Variants in NRDE2 observed in about 807,000 individuals in gnomAD.
NRDE2 encodes NRDE-2, necessary for RNA interference, domain containing.
A neutral mutation model predicts 124.2 loss-of-function variants in NRDE2; 76 were observed. The ratio of observed to expected loss-of-function variants is 0.61; its 90% CI spans 0.51 to 0.74. The LOEUF is 0.74. Ranked by LOEUF, NRDE2 falls within the 30% of genes least tolerant of loss-of-function variation. The pLI is 0.00. For synonymous variants in NRDE2, 489 were observed against 528.1 expected, an observed-to-expected ratio of 0.93 and a Z score of 1.01; for missense variants, 1,314 against 1,417.3, an observed-to-expected ratio of 0.93 and a Z score of 1.17.
intron 1 of NRDE2, among the ~76,000 whole-genome samples, chr14:90,323,322 T>C (rs1242318267): frequency 6.6e-6 from 1 of 152,200 alleles, no homozygotes; most frequent in South Asian, 2.1e-4. Context: ...CTATTACACA[T>C]AGAGGGAGGA....
intron 1 of NRDE2, among the ~76,000 whole-genome samples, chr14:90,330,071 G>A (rs1393993658): frequency 2.6e-5 from 4 of 151,392 alleles, no homozygotes; most frequent in Non-Finnish European, 5.9e-5. Context: ...GCCGGGCATG[G>A]TGGTGAGTGC....
At chr14:90,291,472 G>A (rs1347618604) in intron 9 of NRDE2, among the ~76,000 whole-genome samples, 1 of 152,230 alleles carries the variant, frequency 6.6e-6, no homozygotes, top group Non-Finnish European at 1.5e-5. Flanking sequence ...GTCTGCTCCA[G>A]AAATCTGCTT....
At chr14:90,331,390 T>A (rs571856238) in intron 1 of NRDE2, among the ~76,000 whole-genome samples, 2 of 152,274 alleles carry the variant, frequency 1.3e-5, no homozygotes, top group African/African-American at 4.8e-5. Context: ...TGGATACTAA[T>A]CCCCTAGCTC....
chr14:90,289,084 T>C lies in NRDE2; in HGVS notation c.2291A>G (p.Lys764Arg), dbSNP rs751834024. Residue 764 changes from lysine (K) to arginine (R), a missense_variant, in exon 11 of 14, where the codon AAA becomes AGA. Transcript: ENST00000354366. ...CTTAAGGAGATTCTTGGCTAGTTTT[T>C]TGCAGTTCTTCCCTTGAGACTTTAA... ...KRLKSQGKNCKKLAKNLLKEP... is the reference protein window; with the variant it reads ...KRLKSQGKNCRKLAKNLLKEP... 6.2e-7 allele frequency: 1 copy of C among 1,614,016 alleles called. No individual in the cohort carries two copies. Among genetic ancestry groups the C allele is most frequent in the South Asian group, 1.1e-5 (1 of 91,086 alleles).
chr14:90,314,163 A>G (rs1401811016), intron 3 of NRDE2, among the ~76,000 whole-genome samples: 2 of 152,190 alleles, frequency 1.3e-5, no homozygotes, highest in African/African-American at 4.8e-5. Flanking sequence ...GGTGAGGGAA[A>G]GCTCATCCCA....
At chr14:90,321,765 A>G (rs1349743968) in intron 1 of NRDE2, among the ~76,000 whole-genome samples, 1 of 152,158 alleles carries the variant, frequency 6.6e-6, no homozygotes, top group East Asian at 1.9e-4. Context: ...TAATCACTGT[A>G]TGGTAGGCTT....
chr14:90,278,506 T>C (rs1349251493), intron 13 of NRDE2, 45 bp from the exon 14 acceptor site: 3 of 1,609,204 alleles, frequency 1.9e-6, no homozygotes, highest in Non-Finnish European at 1.7e-6. Flanking sequence ...CGCCACTTCC[T>C]GTCAGCCTGG....
intron 4 of NRDE2, among the ~76,000 whole-genome samples, chr14:90,305,441 G>A (rs1392991546): frequency 1.3e-5 from 2 of 152,180 alleles, no homozygotes; most frequent in Non-Finnish European, 2.9e-5. Context: ...CAAGAAAAAG[G>A]AAAGCACATG....
chr14:90,278,172 A>G lies in NRDE2; in HGVS notation c.*164T>C. 1.4e-6 allele frequency: 1 copy of G among 725,184 alleles called. No homozygotes were observed. 44.9% of individuals were successfully genotyped at this position (725,184 alleles called of 1,614,324 possible). A position where few individuals can be genotyped will look rare whatever the true frequency, so the allele number is the denominator to read the frequency against. ...ACTTTTGTGTCATTTACACACCCAA[A>G]AAGTGTGCAAGATGTGAGAGGCTGG... On this transcript the variant is annotated 3_prime_UTR_variant, in exon 14 of 14. Coordinates refer to ENST00000354366, the MANE Select transcript of NRDE2 (RefSeq NM_017970.4).
chr14:90,330,115 G>A (rs1194229595), intron 1 of NRDE2, among the ~76,000 whole-genome samples: 8 of 149,386 alleles, frequency 5.4e-5, no homozygotes, highest in African/African-American at 2.0e-4. Flanking sequence ...GCTGAGGCAG[G>A]AGAATCACTT....
In NRDE2 at chr14:90,304,251, C is replaced by T. The variant is rs946033412; in HGVS notation, c.689G>A (p.Gly230Glu). ...VERYFTKKSV[G>E]LMNIDGVAIS... ...GGCAACTCCATCGATGTTCATTAAT[C>T]CCACACTCTTCTTAGTAAAATAGCG... is the stretch of plus-strand genomic sequence containing the variant. Residue 230 changes from glycine to glutamate, a missense_variant, in exon 5 of 14, where the codon GGA (glycine) becomes GAA (glutamate). Coordinates refer to ENST00000354366, the MANE Select transcript of NRDE2 (RefSeq NM_017970.4). 1 of 1,614,124 alleles carries T rather than the reference C, an allele frequency of 6.2e-7. No individual in the cohort carries two copies. The highest frequency in any genetic ancestry group is 8.5e-7 in the Non-Finnish European group (1 of 1,180,026).
In NRDE2 at chr14:90,316,779, C is replaced by G. The variant is rs1308261084; in HGVS notation, c.206G>C (p.Ser69Thr). Residue 69 changes from serine (S) to threonine (T), a missense_variant, in exon 3 of 14, where the codon AGT (serine) becomes ACT (threonine). Transcript: ENST00000354366. ...SHLKSESSDE[S>T]DTNKKLKQTS... Reference sequence around the variant, plus strand: ...TTGTTTGAGCTTTTTGTTAGTGTCACTTTCATCTGAAGACTCTGATTTCAG... The same window carrying G: ...TTGTTTGAGCTTTTTGTTAGTGTCAGTTTCATCTGAAGACTCTGATTTCAG... 6.2e-7 allele frequency: 1 copy of G among 1,611,732 alleles called. No individual in the cohort carries two copies. The highest frequency in any genetic ancestry group is 1.3e-5 in the African/African-American group (1 of 74,596).
intron 4 of NRDE2, among the ~76,000 whole-genome samples, chr14:90,305,653 A>AAGAAGCC: frequency 6.6e-6 from 1 of 152,378 alleles, no homozygotes; most frequent in Non-Finnish European, 1.5e-5. Flanking sequence ...CACTGAGTGA[A>AAGAAGCC]AGAAGCCAGA....
chr14:90,292,912 A>C (rs768362510), intron 8 of NRDE2, 40 bp from the exon 9 acceptor site: 2 of 1,582,170 alleles, frequency 1.3e-6, no homozygotes, highest in Non-Finnish European at 1.7e-6. Flanking sequence ...TCAGCAAATA[A>C]AACCACCATC....
At position 90,268,611 on chromosome 14, in the gene NRDE2, G is replaced by T; in HGVS notation, c.*9725C>A. On this transcript the variant is annotated 3_prime_UTR_variant, in exon 14 of 14. Coordinates refer to ENST00000354366, the MANE Select transcript of NRDE2 (RefSeq NM_017970.4). ...GTAACTGTGAACGTCTGGAGAGATTGGTCAGTTATGAATAACCATGTCTTG... is the reference window on the plus strand; with the variant it reads ...GTAACTGTGAACGTCTGGAGAGATTTGTCAGTTATGAATAACCATGTCTTG... 1.8e-6 allele frequency: 1 copy of T among 558,686 alleles called. No individual in the cohort carries two copies. The highest frequency in any genetic ancestry group is 2.3e-5 in the South Asian group (1 of 43,302). 34.6% of individuals were successfully genotyped at this position (558,686 alleles called of 1,614,324 possible).
At position 90,304,366 on chromosome 14, in the gene NRDE2, C is replaced by T. The variant is rs774692869; in HGVS notation, c.574G>A (p.Asp192Asn). 1 of 1,603,332 alleles carries T rather than the reference C, an allele frequency of 6.2e-7. No individual in the cohort carries two copies. The highest frequency in any genetic ancestry group is 1.1e-5 in the South Asian group (1 of 90,230). Residue 192 changes from aspartate (D) to asparagine (N), a missense_variant, in exon 5 of 14, where the codon GAC becomes AAC. Asp to Asn is a conservative substitution (Grantham distance 23). Transcript: ENST00000354366. ...GDIARYKRKG[D>N]SCLGINPKKQ... ...TTAGGGTTAATGCCAAGGCAGGAGT[C>T]TCCTTTCCTCTTGTATCTGATATTA...
Position 90,292,808 on chromosome 14 carries a change from C to A in NRDE2, c.1731G>T (p.Trp577Cys). The change falls in exon 9 of 14, where the codon TGG becomes TGT. Residue 577 changes from tryptophan to cysteine, a missense_variant. By Grantham distance (215) the Trp-to-Cys change is radical (BLOSUM62 -2). Transcript: ENST00000354366. ...QEIKDKTLPR[W>C]QIWLAAERSR... ...AACGCTCAGCAGCAAGCCAGATCTG[C>A]CACCTGGGCAGAGTCTTATCTTTTA... 2 of 1,614,178 alleles carry A rather than the reference C, an allele frequency of 1.2e-6. No homozygotes were observed. The highest frequency in any genetic ancestry group is 1.7e-6 in the Non-Finnish European group (2 of 1,179,996).
intron 4 of NRDE2, among the ~76,000 whole-genome samples, chr14:90,305,314 G>A (rs866424580): frequency 6.6e-6 from 1 of 152,202 alleles, no homozygotes; most frequent in Non-Finnish European, 1.5e-5. Flanking sequence ...ACTCTCATCC[G>A]CTGTCAGCGG....
chr14:90,279,199 G>A lies in NRDE2; in HGVS notation c.3298-66C>T, dbSNP rs536082982. On this transcript the variant is annotated intron_variant, in intron 12 of 13. Transcript: ENST00000354366. ...ACAGAGAGGCTAAGGCTACACAAACGCCCCTGGATGACGGGCACAAGCCCT... is the reference window on the plus strand; with the variant it reads ...ACAGAGAGGCTAAGGCTACACAAACACCCCTGGATGACGGGCACAAGCCCT... 1.1e-5 allele frequency: 14 copies of A among 1,240,302 alleles called. 1 individual carries two copies. The highest frequency in any genetic ancestry group is 1.9e-4 in the Middle Eastern group (1 of 5,338). 76.8% of individuals were successfully genotyped at this position (1,240,302 alleles called of 1,614,324 possible). A position where few individuals can be genotyped will look rare whatever the true frequency, so the allele number is the denominator to read the frequency against.
Sources: allele counts gnomAD v4.1 joint callset (sites outside exome capture counted in the v4.1 genomes callset), GRCh38; gene constraint gnomAD v4.1.1; transcripts MANE v1.5; gene names NCBI Gene and HGNC (gene_info 2026-07-23, HGNC 2026-07-21).